EYA4: variants seen among roughly 807,000 people sequenced by gnomAD.
The protein encoded by EYA4 is EYA transcriptional coactivator and phosphatase 4, also known as protein phosphatase EYA4.
Under a neutral mutation model 87.9 loss-of-function variants are expected in EYA4, and 31 were observed. The ratio of observed to expected loss-of-function variants is 0.35; its 90% CI spans 0.27 to 0.48. EYA4 has a LOEUF of 0.48. EYA4 is among the 20% of genes least tolerant of loss of function. EYA4 has a pLI of 0.99. For synonymous variants in EYA4, 263 were observed against 270.6 expected (o/e 0.97, Z 0.28); for missense variants, 678 against 761.4 (o/e 0.89, Z 1.29).
chr6:133,317,921 C>T (rs1209936601), intron 2 of EYA4, among the ~76,000 whole-genome samples: 1 of 151,992 alleles, frequency 6.6e-6, no homozygotes, highest in African/African-American at 2.4e-5. Flanking sequence ...CCCACCCATC[C>T]ACCCATTCCC....
At chr6:133,368,608 A>G (rs568371791) in intron 2 of EYA4, among the ~76,000 whole-genome samples, 109 of 152,320 alleles carry the variant, frequency 7.2e-4, no homozygotes, top group African/African-American at 2.6e-3. Context: ...TAGTGATCCT[A>G]ACCATACTAG....
At chr6:133,276,901 C>CAAAAAAAAAAA in intron 2 of EYA4, among the ~76,000 whole-genome samples, 2 of 133,688 alleles carry the variant, frequency 1.5e-5, no homozygotes, top group Non-Finnish European at 3.2e-5. Flanking sequence ...ATAGAAATGT[C>CAAAAAAAAAAA]AAAAAAAAAA....
intron 1 of EYA4, among the ~76,000 whole-genome samples, chr6:133,252,542 CTGT>C (rs1170465127): frequency 6.6e-6 from 1 of 152,026 alleles, no homozygotes; most frequent in Non-Finnish European, 1.5e-5. Context: ...GTAAATTTGA[CTGT>C]TGTTTGGGCA....
intron 3 of EYA4, among the ~76,000 whole-genome samples, chr6:133,414,668 G>A (rs1417169373): frequency 6.6e-6 from 1 of 152,188 alleles, no homozygotes; most frequent in Non-Finnish European, 1.5e-5. Context: ...GTAAACTGGA[G>A]CAATCATAGG....
At chr6:133,409,825 T>A (rs1456553683) in intron 3 of EYA4, among the ~76,000 whole-genome samples, 1 of 152,106 alleles carries the variant, frequency 6.6e-6, no homozygotes, top group Non-Finnish European at 1.5e-5. Flanking sequence ...ATTAAGAGTA[T>A]GGATGTTAGA....
chr6:133,462,383 C>A lies in EYA4; in HGVS notation c.486C>A (p.Ala162=), dbSNP rs2128658574. 1 of 1,614,058 alleles carries A rather than the reference C, an allele frequency of 6.2e-7. No individual in the cohort carries two copies. The highest frequency in any genetic ancestry group is 1.1e-5 in the South Asian group (1 of 91,080). Residue 162 remains alanine, a synonymous_variant, in exon 8 of 20, where the codon GCC becomes GCA. Coordinates refer to ENST00000355286, the MANE Select transcript of EYA4 (RefSeq NM_004100.5). The part of the protein sequence containing the change: ...LSTPAAQTMS[A]YAGQTQYSGM... The stretch of plus-strand genomic sequence containing the variant: ...CACCAGCAGCTCAAACAATGTCTGC[C>A]TATGCAGGCCAGACTCAGTATTCGG...
chr6:133,262,552 C>A (rs1262138473), intron 1 of EYA4, among the ~76,000 whole-genome samples: 1 of 152,106 alleles, frequency 6.6e-6, no homozygotes, highest in African/African-American at 2.4e-5. Context: ...GCAACCATCA[C>A]CAATTAGCAA....
At chr6:133,477,772 T>C (rs571959800) in intron 11 of EYA4, among the ~76,000 whole-genome samples, 1 of 151,786 alleles carries the variant, frequency 6.6e-6, no homozygotes, top group South Asian at 2.1e-4. Flanking sequence ...AAGACAATAA[T>C]GAAGGACCTA....
At chr6:133,296,978 A>G (rs946628145) in intron 2 of EYA4, among the ~76,000 whole-genome samples, 1 of 152,026 alleles carries the variant, frequency 6.6e-6, no homozygotes, top group South Asian at 2.1e-4. Flanking sequence ...TTACAATTCT[A>G]TTGTTGTTAT....
intron 3 of EYA4, among the ~76,000 whole-genome samples, chr6:133,440,303 T>C (rs1431424450): frequency 1.3e-5 from 2 of 152,248 alleles, no homozygotes; most frequent in South Asian, 4.1e-4. Flanking sequence ...GTGCTTACTT[T>C]TTTTATTCAA....
At chr6:133,365,112 A>T (rs1047347693) in intron 2 of EYA4, among the ~76,000 whole-genome samples, 1 of 152,160 alleles carries the variant, frequency 6.6e-6, no homozygotes, top group Admixed American at 6.5e-5. Flanking sequence ...TGGAACAGGA[A>T]TTCAAATTTA....
At chr6:133,339,502 T>A (rs1782626844) in intron 2 of EYA4, among the ~76,000 whole-genome samples, 2 of 152,200 alleles carry the variant, frequency 1.3e-5, no homozygotes, top group Admixed American at 1.3e-4. Context: ...TGATAACATG[T>A]GTCTGTAAAG....
chr6:133,311,984 A>C (rs1311782934), intron 2 of EYA4, among the ~76,000 whole-genome samples: 1 of 152,222 alleles, frequency 6.6e-6, no homozygotes, highest in African/African-American at 2.4e-5. Flanking sequence ...TACAACACTG[A>C]TAAATGCTGT....
intron 19 of EYA4, 149 bp from the exon 20 acceptor site, chr6:133,528,576 A>G (rs1309994011): frequency 6.5e-6 from 5 of 767,842 alleles, no homozygotes; most frequent in Admixed American, 5.2e-5. Flanking sequence ...ACATATGATC[A>G]TCCCGCCTTT....
intron 2 of EYA4, among the ~76,000 whole-genome samples, chr6:133,286,229 C>T (rs1262288924): frequency 6.6e-6 from 1 of 152,084 alleles, no homozygotes; most frequent in African/African-American, 2.4e-5. Flanking sequence ...GCATGGGGGG[C>T]ACATTCTGAG....
chr6:133,317,065 G>A (rs1283364332), intron 2 of EYA4, among the ~76,000 whole-genome samples: 2 of 151,942 alleles, frequency 1.3e-5, no homozygotes, highest in African/African-American at 4.8e-5. Context: ...CAGAAATAGA[G>A]GTTAGAGAGA....
intron 13 of EYA4, among the ~76,000 whole-genome samples, chr6:133,487,440 G>A (rs1052473416): frequency 6.6e-6 from 1 of 152,142 alleles, no homozygotes; most frequent in Non-Finnish European, 1.5e-5. Flanking sequence ...TCAGGCCCAG[G>A]CATCACAGCT....
intron 16 of EYA4, among the ~76,000 whole-genome samples, chr6:133,513,572 T>A (rs765514729): frequency 1.3e-5 from 2 of 152,236 alleles, no homozygotes; most frequent in Non-Finnish European, 2.9e-5. Flanking sequence ...TCAACTATGA[T>A]TATCATAGTT....
At chr6:133,331,103 T>C (rs960464407) in intron 2 of EYA4, among the ~76,000 whole-genome samples, 23 of 151,750 alleles carry the variant, frequency 1.5e-4, no homozygotes, top group African/African-American at 5.6e-4. Flanking sequence ...ATACTTATTT[T>C]AAAGTTGAAA....
Sources: gnomAD v4.1 joint callset for allele counts (sites outside exome capture counted in the v4.1 genomes callset) on GRCh38, gnomAD v4.1.1 for gene constraint, MANE v1.5 for transcripts, NCBI Gene and HGNC (gene_info 2026-07-23, HGNC 2026-07-21) for gene names.